The following ACSL5 variants were observed in gnomAD, a reference collection of about 807,000 sequenced individuals.
The protein encoded by ACSL5 is acyl-CoA synthetase long chain family member 5.
ACSL5 carries 50 observed loss-of-function variants against 84.9 expected under a neutral mutation model. That is an observed-to-expected ratio of 0.59 (90% CI 0.47 to 0.75). The LOEUF (loss-of-function observed/expected upper bound fraction) is 0.75, where lower values mean the gene tolerates loss of function less well. Among genes scored for constraint, ACSL5 ranks in the 30% least tolerant of loss-of-function variants. The probability of loss-of-function intolerance (pLI) is 0.00; values close to 1 mark genes in which losing one functional copy is unlikely to be tolerated. For missense variants in ACSL5, 775 were observed against 830.4 expected (o/e 0.93, Z 0.82); for synonymous variants, 280 against 300.7 (o/e 0.93, Z 0.71).
In ACSL5 at chr10:112,413,264, T is replaced by C; in HGVS notation, c.1040T>C (p.Leu347Ser). The change falls in exon 12 of 21, where the codon TTG (leucine) becomes TCG (serine). Residue 347 changes from leucine to serine, a missense_variant. By Grantham distance (145) the Leu-to-Ser change is moderately radical. Transcript: ENST00000354655. ...ADDMKTLKPT[L>S]FPAVPRLLNR... The stretch of plus-strand genomic sequence containing the variant: ...GACATGAAGACTTTGAAGCCCACAT[T>C]GTTTCCCGCGGTGCCTCGACTCCTT... 1.2e-6 allele frequency: 2 copies of C among 1,614,224 alleles called. No homozygotes were observed. The highest frequency in any genetic ancestry group is 1.7e-6 in the Non-Finnish European group (2 of 1,180,036).
At chr10:112,415,983 C>A (rs924057060) in intron 12 of ACSL5, among the ~76,000 whole-genome samples, 1 of 151,924 alleles carries the variant, frequency 6.6e-6, no homozygotes, top group African/African-American at 2.4e-5. Flanking sequence ...GGAAATCATG[C>A]GAGCTGGAAA....
chr10:112,426,992 C>A, intron 20 of ACSL5, 133 bp downstream of exon 20: 12 of 910,750 alleles, frequency 1.3e-5, no homozygotes, highest in Non-Finnish European at 1.9e-5. Context: ...ACAAAATGAC[C>A]TTTTGTAGTT....
intron 1 of ACSL5, among the ~76,000 whole-genome samples, chr10:112,382,233 A>G (rs545268590): frequency 1.3e-5 from 2 of 152,246 alleles, no homozygotes; most frequent in Non-Finnish European, 2.9e-5. Flanking sequence ...TGGCTGTGGC[A>G]TTCCTGAGGA....
intron 1 of ACSL5, among the ~76,000 whole-genome samples, chr10:112,378,524 G>A (rs1018199099): frequency 6.6e-6 from 1 of 152,082 alleles, no homozygotes; most frequent in Non-Finnish European, 1.5e-5. Flanking sequence ...TGGGATTACA[G>A]GTGTGAGCCA....
chr10:112,417,467 C>T (rs925405825), intron 13 of ACSL5, among the ~76,000 whole-genome samples: 3 of 150,508 alleles, frequency 2.0e-5, no homozygotes, highest in Non-Finnish European at 4.4e-5. Context: ...AGCACCACTG[C>T]ACTCCAGCCT....
chr10:112,378,753 T>G (rs1299142961), intron 1 of ACSL5, among the ~76,000 whole-genome samples: 2 of 152,126 alleles, frequency 1.3e-5, no homozygotes, highest in African/African-American at 4.8e-5. Flanking sequence ...TGGAAATGCA[T>G]CTGGGTCTAT....
At chr10:112,408,823 G>A (rs556582750) in intron 6 of ACSL5, 1 of 241,666 alleles carries the variant, frequency 4.1e-6, no homozygotes, top group African/African-American at 2.2e-5. Context: ...AGCCCAGAGA[G>A]TGAGCTTAAT....
intron 1 of ACSL5, among the ~76,000 whole-genome samples, chr10:112,390,234 A>G (rs965820868): frequency 1.3e-5 from 2 of 152,190 alleles, no homozygotes; most frequent in Non-Finnish European, 2.9e-5. Flanking sequence ...TTGAGTAGAC[A>G]TTTCTTCAAA....
At chr10:112,411,550 G>T (rs1321446567) in intron 10 of ACSL5, 21 bp downstream of exon 10, 1 of 1,599,362 alleles carries the variant, frequency 6.3e-7, no homozygotes, top group Non-Finnish European at 8.6e-7. Context: ...AGTTGAAAAA[G>T]AGGCTCTCAT....
intron 12 of ACSL5, among the ~76,000 whole-genome samples, chr10:112,415,196 T>TTTTG (rs1844286241): frequency 6.6e-6 from 1 of 152,054 alleles, no homozygotes; most frequent in Non-Finnish European, 1.5e-5. Context: ...ATGTATTTTT[T>TTTTG]TTTTGTTTTG....
Position 112,422,305 on chromosome 10 carries a change from C to T in ACSL5, c.1477-20C>T, listed in dbSNP as rs756807822. On this transcript the variant is annotated intron_variant, in intron 16 of 20. Transcript: ENST00000354655. The stretch of plus-strand genomic sequence containing the variant: ...GAGCAGCCTTTGCTATTGTCACCGC[C>T]TTGTATGTCTGCTGTGCAGGTCTGC... 30 of 1,604,138 alleles carry T rather than the reference C, an allele frequency of 1.9e-5. No individual in the cohort carries two copies. Among genetic ancestry groups the T allele is most frequent in the Non-Finnish European group, 8.5e-7 (1 of 1,173,042 alleles).
intron 3 of ACSL5, 101 bp downstream of exon 3, chr10:112,399,110 C>A: frequency 2.1e-6 from 2 of 963,958 alleles, no homozygotes; most frequent in Non-Finnish European, 3.3e-6. Context: ...TATTTAGATG[C>A]AGTGATCCAA....
chr10:112,411,742 C>A (rs1844183884), intron 10 of ACSL5, among the ~76,000 whole-genome samples, 160 bp from the exon 11 acceptor site: 1 of 149,968 alleles, frequency 6.7e-6, no homozygotes, highest in African/African-American at 2.5e-5. Flanking sequence ...CTGCAAATTT[C>A]TACACTATAT....
chr10:112,376,100 G>A, intron 1 of ACSL5: 1 of 609,104 alleles, frequency 1.6e-6, no homozygotes, highest in South Asian at 2.6e-5. Flanking sequence ...GGCCCTTAGG[G>A]GCTGAGGTGA....
At chr10:112,421,450 C>G in intron 14 of ACSL5, 143 bp from the exon 15 acceptor site, 1 of 682,030 alleles carries the variant, frequency 1.5e-6, no homozygotes, top group South Asian at 1.7e-5. Context: ...CATGAGCCAC[C>G]GCCCCCTCCA....
chr10:112,401,947 TTC>T (rs57651640), intron 3 of ACSL5, among the ~76,000 whole-genome samples: 73 of 140,446 alleles, frequency 5.2e-4, no homozygotes, highest in African/African-American at 8.5e-4. Context: ...TTCTCTTTCT[TTC>T]TCTCTCTCTC....
At position 112,393,038 on chromosome 10, in the gene ACSL5, C is replaced by T. The variant is rs7097926; in HGVS notation, c.-29-1880C>T. On this transcript the variant is annotated intron_variant, in intron 1 of 20. Transcript: ENST00000354655. ...CTTCTCCTCCCCTTTGGTACTGCCA[C>T]CTGCTTTTTCAATTTCACAGTCTTC... 3.2e-3 allele frequency among the ~76,000 whole-genome samples: 480 copies of T among 152,232 alleles called. 2 individuals are homozygous for T. Among genetic ancestry groups the T allele is most frequent in the African/African-American group, 0.011 (465 of 41,550 alleles).
intron 3 of ACSL5, among the ~76,000 whole-genome samples, 162 bp from the exon 4 acceptor site, chr10:112,404,349 A>G (rs1472766770): frequency 6.6e-6 from 1 of 152,116 alleles, no homozygotes; most frequent in East Asian, 1.9e-4. Context: ...ATTTTTGAGG[A>G]CTCAGTGCTT....
chr10:112,411,038 T>C (rs1291860303), intron 9 of ACSL5, among the ~76,000 whole-genome samples: 1 of 152,196 alleles, frequency 6.6e-6, no homozygotes, highest in Non-Finnish European at 1.5e-5. Context: ...TAGTTTTTAA[T>C]GTGGTCCATC....
Sources: gnomAD v4.1 joint callset for allele counts (sites outside exome capture counted in the v4.1 genomes callset) on GRCh38, gnomAD v4.1.1 for gene constraint, MANE v1.5 for transcripts, NCBI Gene and HGNC (gene_info 2026-07-23, HGNC 2026-07-21) for gene names.